RALGPS2: variants seen among roughly 807,000 people sequenced by gnomAD.
The protein encoded by RALGPS2 is Ral GEF with PH domain and SH3 binding motif 2.
In RALGPS2, 43 loss-of-function variants were observed where a neutral mutation model predicts 86.8. The observed-to-expected ratio is 0.50, with a 90% CI of 0.39 to 0.64. RALGPS2 has a LOEUF of 0.64. Ranked by LOEUF, RALGPS2 falls within the 30% of genes least tolerant of loss-of-function variation. The pLI is 0.00. For missense variants in RALGPS2, 536 were observed against 694.6 expected (o/e 0.77, Z 2.57); for synonymous variants, 243 against 231.3 (o/e 1.05, Z -0.46).
At chr1:178,880,923 T>G (rs1376918441) in intron 10 of RALGPS2, among the ~76,000 whole-genome samples, 1 of 152,218 alleles carries the variant, frequency 6.6e-6, no homozygotes, top group African/African-American at 2.4e-5. Flanking sequence ...TGACATATCA[T>G]ATAATGCCTT....
chr1:178,753,977 G>A (rs551084214), intron 1 of RALGPS2, among the ~76,000 whole-genome samples: 10 of 151,710 alleles, frequency 6.6e-5, no homozygotes, highest in African/African-American at 2.2e-4. Flanking sequence ...GACTACAGGC[G>A]CCCGCCACCA....
intron 7 of RALGPS2, among the ~76,000 whole-genome samples, chr1:178,824,818 GAAAA>G (rs958245356): frequency 1.6e-5 from 2 of 124,234 alleles, no homozygotes; most frequent in African/African-American, 3.2e-5. Context: ...CAAAAAAAAA[GAAAA>G]AAAAAGAAAA....
At chr1:178,896,414 G>C (rs1659939379) in intron 16 of RALGPS2, among the ~76,000 whole-genome samples, 1 of 151,610 alleles carries the variant, frequency 6.6e-6, no homozygotes, top group African/African-American at 2.4e-5. Flanking sequence ...GAGGGAGAGA[G>C]ATTGAGAAGC....
At chr1:178,896,423 G>T (rs548552049) in intron 16 of RALGPS2, among the ~76,000 whole-genome samples, 1 of 151,216 alleles carries the variant, frequency 6.6e-6, no homozygotes, top group Non-Finnish European at 1.5e-5. Context: ...AGATTGAGAA[G>T]CAATGGAGTT....
At position 178,838,115 on chromosome 1, in the gene RALGPS2, A is replaced by G. The variant is rs979305851; in HGVS notation, c.607+4565A>G. Reference sequence around the variant, plus strand: ...CCACCTCTGCAGGGCATAGCTGAACAAAAGGCAGCAGAAACCTCTGCAGAC... The same window carrying G: ...CCACCTCTGCAGGGCATAGCTGAACGAAAGGCAGCAGAAACCTCTGCAGAC... On this transcript the variant is annotated intron_variant, in intron 8 of 19. Transcript: ENST00000367635. Among the ~76,000 whole-genome samples the G allele has an allele frequency of 7.2e-5, 11 of 152,358 alleles. No individual in the cohort carries two copies. The East Asian group carries it at 2.1e-3, about 29-fold the overall frequency.
At chr1:178,825,330 C>A (rs1258585432) in intron 7 of RALGPS2, among the ~76,000 whole-genome samples, 1 of 151,874 alleles carries the variant, frequency 6.6e-6, no homozygotes, top group Non-Finnish European at 1.5e-5. Flanking sequence ...GAAACTAAGC[C>A]AAGTAAAAGG....
At chr1:178,747,672 A>G in intron 1 of RALGPS2, 1 of 1,513,742 alleles carries the variant, frequency 6.6e-7, no homozygotes, top group South Asian at 1.1e-5. Flanking sequence ...GCAGTTTAAC[A>G]CAACTGTGAT....
chr1:178,895,377 G>A (rs1659894813), intron 16 of RALGPS2, among the ~76,000 whole-genome samples: 3 of 152,072 alleles, frequency 2.0e-5, no homozygotes, highest in Admixed American at 2.0e-4. Flanking sequence ...TACCTTTTGT[G>A]TGCTGGATGC....
chr1:178,874,414 G>A (rs539738393), intron 8 of RALGPS2, among the ~76,000 whole-genome samples: 16 of 152,302 alleles, frequency 1.1e-4, no homozygotes, highest in Admixed American at 3.9e-4. Context: ...CATGTGGCAA[G>A]TGGTTATATT....
intron 8 of RALGPS2, among the ~76,000 whole-genome samples, chr1:178,835,478 C>T (rs7531702): frequency 0.057 from 8,544 of 151,070 alleles, 394 homozygotes; most frequent in African/African-American, 0.13. Context: ...CTGCAACCTC[C>T]GCCTCCTGGG....
chr1:178,820,992 A>G (rs1430078964), intron 6 of RALGPS2, among the ~76,000 whole-genome samples: 2 of 152,222 alleles, frequency 1.3e-5, no homozygotes, highest in African/African-American at 4.8e-5. Context: ...GAAATTAGCA[A>G]TAAATGTTAT....
rs1052752905 is a variant in RALGPS2, at chr1:178,918,399, T to A, written c.*2040T>A. The A allele has an allele frequency of 5.3e-5, 8 of 152,208 alleles. No individual in the cohort carries two copies. Among genetic ancestry groups the A allele is most frequent in the Non-Finnish European group, 8.8e-5 (6 of 68,008 alleles). The allele number at this position is 152,208 out of a possible 1,614,324, so 9.4% of individuals were successfully genotyped here. A position where few individuals can be genotyped will look rare whatever the true frequency, so the allele number is the denominator to read the frequency against. On this transcript the variant is annotated 3_prime_UTR_variant, in exon 20 of 20. Transcript: ENST00000367635. The stretch of plus-strand genomic sequence containing the variant: ...GAATGAGAACCCTGTGGATTTTTTT[T>A]ATTTCATTTGTTTGTCATAATAAGC...
At chr1:178,737,678 A>C (rs1650792897) in intron 1 of RALGPS2, among the ~76,000 whole-genome samples, 1 of 152,150 alleles carries the variant, frequency 6.6e-6, no homozygotes, top group South Asian at 2.1e-4. Flanking sequence ...TTATGGCTTA[A>C]ATATTTTTCA....
At chr1:178,750,191 T>C (rs988138337) in intron 1 of RALGPS2, among the ~76,000 whole-genome samples, 2 of 152,214 alleles carry the variant, frequency 1.3e-5, no homozygotes, top group Non-Finnish European at 2.9e-5. Flanking sequence ...GCAAACCTTC[T>C]CTAAAGGCCC....
At chr1:178,866,132 C>A (rs142343604) in intron 8 of RALGPS2, among the ~76,000 whole-genome samples, 8 of 152,108 alleles carry the variant, frequency 5.3e-5, no homozygotes, top group Non-Finnish European at 7.4e-5. Flanking sequence ...CTTTTGAGAC[C>A]CTGATAAGAT....
At chr1:178,906,201 C>T (rs892621593) in intron 18 of RALGPS2, among the ~76,000 whole-genome samples, 4 of 151,960 alleles carry the variant, frequency 2.6e-5, no homozygotes, top group African/African-American at 4.8e-5. Context: ...GGTGAAACCC[C>T]GTCTCTACTA....
At chr1:178,758,635 A>G (rs931295350) in intron 1 of RALGPS2, among the ~76,000 whole-genome samples, 1 of 152,100 alleles carries the variant, frequency 6.6e-6, no homozygotes, top group African/African-American at 2.4e-5. Context: ...GCTCTCACAA[A>G]TAAGTGAGAA....
At chr1:178,768,305 T>C (rs900141622) in intron 1 of RALGPS2, among the ~76,000 whole-genome samples, 1 of 152,230 alleles carries the variant, frequency 6.6e-6, no homozygotes, top group Non-Finnish European at 1.5e-5. Context: ...TCTGGAGACA[T>C]TGGCACTTCA....
chr1:178,821,261 C>G (rs1655490199), intron 6 of RALGPS2, among the ~76,000 whole-genome samples: 1 of 152,130 alleles, frequency 6.6e-6, no homozygotes, highest in Admixed American at 6.6e-5. Flanking sequence ...AAAGCAGAGG[C>G]TTAGTAATAG....
Sources: gnomAD v4.1 joint callset for allele counts (sites outside exome capture counted in the v4.1 genomes callset) on GRCh38, gnomAD v4.1.1 for gene constraint, MANE v1.5 for transcripts, NCBI Gene and HGNC (gene_info 2026-07-23, HGNC 2026-07-21) for gene names.